The following MYCBP2 variants were observed in gnomAD, a reference collection of about 807,000 sequenced individuals.
MYCBP2 encodes the protein MYC binding protein 2, also known as E3 ubiquitin-protein ligase MYCBP2.
Under a neutral mutation model 525.3 loss-of-function variants are expected in MYCBP2, and 120 were observed. The ratio of observed to expected loss-of-function variants is 0.23; its 90% CI spans 0.20 to 0.27. MYCBP2 has a LOEUF of 0.27. Among genes scored for constraint, MYCBP2 ranks in the 10% least tolerant of loss-of-function variants. MYCBP2 has a pLI of 1.00. For synonymous variants in MYCBP2, 1,894 were observed against 1,955.8 expected (o/e 0.97, Z 0.83); for missense variants, 4,149 against 5,657.1 (o/e 0.73, Z 8.55).
Position 77,217,947 on chromosome 13 carries a change from TG to T in MYCBP2, c.2949del (p.Thr984LeufsTer24). The stretch of plus-strand genomic sequence containing the variant: ...GGGCCTGGCAATGCTTGAACAAGAG[TG>T]GGACATCCCCTAGGTTAAAAAAAAA... ...GHGDVNSRGC[P>X]TLVQALPGPS... On this transcript the variant is annotated frameshift_variant, in exon 21 of 83. Transcript: ENST00000544440. LOFTEE classifies it high-confidence loss of function. The T allele has an allele frequency of 6.3e-7, 1 of 1,595,156 alleles. No individual in the cohort carries two copies. Among genetic ancestry groups the T allele is most frequent in the East Asian group, 2.3e-5 (1 of 44,324 alleles).
chr13:77,252,171 A>G (rs1234316339), intron 14 of MYCBP2, among the ~76,000 whole-genome samples: 1 of 152,170 alleles, frequency 6.6e-6, no homozygotes, highest in Non-Finnish European at 1.5e-5. Context: ...AACACCTACT[A>G]TACTCCAGGG....
intron 26 of MYCBP2, among the ~76,000 whole-genome samples, chr13:77,196,275 G>T (rs2061743822): frequency 6.6e-6 from 1 of 152,204 alleles, no homozygotes; most frequent in African/African-American, 2.4e-5. Flanking sequence ...GGTCAGAGAG[G>T]TGATGACAGC....
At chr13:77,325,273 C>A (rs551468480) in intron 1 of MYCBP2, among the ~76,000 whole-genome samples, 1 of 152,312 alleles carries the variant, frequency 6.6e-6, no homozygotes, top group Non-Finnish European at 1.5e-5. Flanking sequence ...TAATAAATTG[C>A]ACATTCAATA....
In MYCBP2 at chr13:77,150,729, A is replaced by ATTACC; in HGVS notation, c.7131_7131+4dup. The ATTACC allele has an allele frequency of 1.9e-6, 3 of 1,607,874 alleles. No individual in the cohort carries two copies. The highest frequency in any genetic ancestry group is 2.5e-6 in the Non-Finnish European group (3 of 1,177,012). The stretch of plus-strand genomic sequence containing the variant: ...AAAATTTTTCTGATAAGTAAAATAA[A>ATTACC]TTACCTTCATCATTGTTATGGCAAT... On this transcript the variant is annotated splice_donor_region_variant and intron_variant, in intron 47 of 82. Coordinates refer to ENST00000544440, the MANE Select transcript of MYCBP2 (RefSeq NM_015057.5).
At chr13:77,244,878 A>G (rs1373947277) in intron 15 of MYCBP2, among the ~76,000 whole-genome samples, 1 of 152,212 alleles carries the variant, frequency 6.6e-6, no homozygotes, top group Non-Finnish European at 1.5e-5. Context: ...TTCTTACAAG[A>G]AGACATTTAT....
rs2046488079 is a variant in MYCBP2, at chr13:77,097,924, G to A, written c.9230C>T (p.Pro3077Leu). Reference protein sequence around the residue: ...PIRSSLNSQQPTEEKETKLKN... With the variant: ...PIRSSLNSQQLTEEKETKLKN... ...TAACTTGGTTTCTTTTTCCTCTGTA[G>A]GTTGTTGGCTATTTAAACTACTCCT... is the stretch of plus-strand genomic sequence containing the variant. The change falls in exon 56 of 83, where the codon CCT becomes CTT. Residue 3077 changes from proline (P) to leucine (L), a missense_variant. Transcript: ENST00000544440. 5 of 1,612,530 alleles carry A rather than the reference G, an allele frequency of 3.1e-6. No individual in the cohort carries two copies. The highest frequency in any genetic ancestry group is 3.4e-6 in the Non-Finnish European group (4 of 1,179,612).
chr13:77,201,435 T>C (rs1205819497), intron 26 of MYCBP2, among the ~76,000 whole-genome samples: 1 of 151,654 alleles, frequency 6.6e-6, no homozygotes, highest in Non-Finnish European at 1.5e-5. Context: ...CTCCCACACA[T>C]TAATAAAGGG....
chr13:77,309,176 C>T (rs1445787688), intron 1 of MYCBP2, among the ~76,000 whole-genome samples: 1 of 152,184 alleles, frequency 6.6e-6, no homozygotes, highest in African/African-American at 2.4e-5. Context: ...CATGTCCAGC[C>T]TCACTTTCCC....
At chr13:77,303,319 C>T (rs1451512031) in intron 1 of MYCBP2, among the ~76,000 whole-genome samples, 3 of 152,186 alleles carry the variant, frequency 2.0e-5, no homozygotes, top group African/African-American at 4.8e-5. Flanking sequence ...GGCGACAGAG[C>T]GAGACTCCGT....
At chr13:77,169,278 C>A (rs1426654599) in intron 39 of MYCBP2, among the ~76,000 whole-genome samples, 2 of 151,818 alleles carry the variant, frequency 1.3e-5, no homozygotes, top group Non-Finnish European at 2.9e-5. Flanking sequence ...CGCCTGTAGT[C>A]CCAGCAACTC....
chr13:77,237,614 A>T (rs766772759), intron 17 of MYCBP2, among the ~76,000 whole-genome samples: 1 of 152,190 alleles, frequency 6.6e-6, no homozygotes, highest in East Asian at 1.9e-4. Context: ...CCTTGACCTA[A>T]ATTCCTATAT....
chr13:77,115,069 A>G (rs1363037242), intron 55 of MYCBP2, among the ~76,000 whole-genome samples: 1 of 151,954 alleles, frequency 6.6e-6, no homozygotes, highest in Non-Finnish European at 1.5e-5. Flanking sequence ...TCTTCTTTGA[A>G]GATGTTCTCT....
intron 76 of MYCBP2, 135 bp from the exon 77 acceptor site, chr13:77,059,761 G>A (rs375132774): frequency 1.3e-5 from 8 of 604,812 alleles, no homozygotes; most frequent in East Asian, 5.5e-5. Context: ...GTTTTAGAAC[G>A]GAAGGTTTCT....
intron 73 of MYCBP2, among the ~76,000 whole-genome samples, chr13:77,063,789 C>T (rs1414133874): frequency 1.3e-5 from 2 of 151,810 alleles, no homozygotes; most frequent in African/African-American, 4.8e-5. Context: ...ATAATGCATG[C>T]AAGGAGGAAG....
chr13:77,263,399 C>G (rs1189807868), intron 10 of MYCBP2, among the ~76,000 whole-genome samples: 1 of 151,950 alleles, frequency 6.6e-6, no homozygotes, highest in Non-Finnish European at 1.5e-5. Flanking sequence ...TTCTTTTGCT[C>G]TATTCAAAGC....
At position 77,171,561 on chromosome 13, in the gene MYCBP2, C is replaced by A. The variant is rs144624584; in HGVS notation, c.5725G>T (p.Ala1909Ser). Residue 1909 changes from alanine (A) to serine (S), a missense_variant, in exon 38 of 83, where the codon GCA becomes TCA. Transcript: ENST00000544440. ...ACGACAGTGCTTACAACAGACAATGCTCTGCTACAGTTTTTATCTTCTTCA... is the reference window on the plus strand; with the variant it reads ...ACGACAGTGCTTACAACAGACAATGATCTGCTACAGTTTTTATCTTCTTCA... Reference protein sequence around the residue: ...ANEEDKNCSRALSVVSTVVRA... With the variant: ...ANEEDKNCSRSLSVVSTVVRA... 35 of 1,614,096 alleles carry A rather than the reference C, an allele frequency of 2.2e-5. No homozygotes were observed. Among genetic ancestry groups the A allele is most frequent in the South Asian group, 1.4e-4 (13 of 91,084 alleles).
In MYCBP2 at chr13:77,294,117, T is replaced by TATATAC. The variant is rs1555465689; in HGVS notation, c.378+2481_378+2482insGTATAT. On this transcript the variant is annotated intron_variant, in intron 2 of 82. Transcript: ENST00000544440. The stretch of plus-strand genomic sequence containing the variant: ...TAGATATAATGGCTATATATATATA[T>TATATAC]ATATATATATATACATATATATATA... 5.3e-4 allele frequency among the ~76,000 whole-genome samples: 30 copies of TATATAC among 56,676 alleles called. 1 individual carries two copies. Among genetic ancestry groups the TATATAC allele is most frequent in the East Asian group, 4.2e-3 (8 of 1,926 alleles). The allele number at this position is 56,676 out of a possible 152,430, so 37.2% of individuals were successfully genotyped here.
chr13:77,164,575 A>G (rs1475027705), intron 42 of MYCBP2, 34 bp from the exon 43 acceptor site: 3 of 1,243,184 alleles, frequency 2.4e-6, no homozygotes, highest in Non-Finnish European at 3.6e-6. Context: ...TGCTTTAAAA[A>G]TGTTTGAATG....
chr13:77,056,186 C>T (rs1017754106), intron 79 of MYCBP2, among the ~76,000 whole-genome samples: 11 of 144,444 alleles, frequency 7.6e-5, no homozygotes, highest in South Asian at 6.7e-4. Context: ...GAAGGCAGAA[C>T]GCCAGGTGAC....
Sources: allele counts gnomAD v4.1 joint callset (sites outside exome capture counted in the v4.1 genomes callset), GRCh38; gene constraint gnomAD v4.1.1; transcripts MANE v1.5; gene names NCBI Gene and HGNC (gene_info 2026-07-23, HGNC 2026-07-21).